The following SPATA16 variants were observed in gnomAD, a reference collection of about 807,000 sequenced individuals.
SPATA16 encodes the protein spermatogenesis associated 16, also known as spermatogenesis-associated protein 16.
A neutral mutation model predicts 63.3 loss-of-function variants in SPATA16; 36 were observed. The ratio of observed to expected loss-of-function variants is 0.57; its 90% CI spans 0.44 to 0.75. SPATA16 has a LOEUF of 0.75. Ranked by LOEUF, SPATA16 falls within the 30% of genes least tolerant of loss-of-function variation. The pLI is 0.00. For synonymous variants in SPATA16, 203 were observed against 216.7 expected (o/e 0.94, Z 0.56); for missense variants, 646 against 679.3 (o/e 0.95, Z 0.54).
intron 2 of SPATA16, among the ~76,000 whole-genome samples, chr3:173,089,486 T>A (rs1296677371): frequency 6.6e-6 from 1 of 152,020 alleles, no homozygotes; most frequent in Non-Finnish European, 1.5e-5. Flanking sequence ...TGTAATGGAG[T>A]GCATGATTGC....
chr3:173,054,145 A>T (rs539244894), intron 2 of SPATA16, among the ~76,000 whole-genome samples: 3 of 152,070 alleles, frequency 2.0e-5, no homozygotes, highest in Admixed American at 6.5e-5. Context: ...CTCTCAGCAA[A>T]TGACAGAAAT....
intron 3 of SPATA16, among the ~76,000 whole-genome samples, chr3:173,030,219 TAAAC>T (rs1275592956): frequency 4.0e-5 from 6 of 151,898 alleles, no homozygotes; most frequent in African/African-American, 7.3e-5. Context: ...TAAATAAAAA[TAAAC>T]AAATCGGACT....
At chr3:173,138,341 G>C (rs1222978238) in intron 1 of SPATA16, among the ~76,000 whole-genome samples, 2 of 152,134 alleles carry the variant, frequency 1.3e-5, no homozygotes, top group African/African-American at 4.8e-5. Flanking sequence ...TTTAAGCTAA[G>C]ATGTGGAGCT....
rs542409084 is a variant in SPATA16, at chr3:173,083,220, TAGAA to T, written c.612+33896_612+33899del. ...AATGAAAAATTATTTTAAATGATAA[TAGAA>T]AGAAGGGAAGATTTTAAAATTTGGC... On this transcript the variant is annotated intron_variant, in intron 2 of 10. Transcript: ENST00000351008. Among the ~76,000 whole-genome samples the T allele has an allele frequency of 1.5e-3, 229 of 152,010 alleles. 1 individual carries two copies. Among genetic ancestry groups the T allele is most frequent in the African/African-American group, 5.2e-3 (216 of 41,496 alleles).
At chr3:172,947,013 T>G (rs561689763) in intron 6 of SPATA16, among the ~76,000 whole-genome samples, 1 of 152,214 alleles carries the variant, frequency 6.6e-6, no homozygotes, top group East Asian at 1.9e-4. Context: ...ACTCCACTTG[T>G]TAGGGGAAAG....
At chr3:173,127,937 C>A (rs897833784) in intron 1 of SPATA16, among the ~76,000 whole-genome samples, 3 of 152,176 alleles carry the variant, frequency 2.0e-5, no homozygotes, top group Non-Finnish European at 4.4e-5. Context: ...ATGATGATTG[C>A]AAAATGGTGA....
chr3:172,900,065 T>C (rs1279408707), intron 10 of SPATA16, among the ~76,000 whole-genome samples: 1 of 152,186 alleles, frequency 6.6e-6, no homozygotes, highest in Non-Finnish European at 1.5e-5. Context: ...GGTCTTTCTT[T>C]TGATTCCTTT....
chr3:172,944,860 AG>A (rs1295826262), intron 6 of SPATA16, among the ~76,000 whole-genome samples: 2 of 152,208 alleles, frequency 1.3e-5, no homozygotes, highest in Non-Finnish European at 2.9e-5. Context: ...TTTAATGGGT[AG>A]AGTTTCAGTT....
chr3:173,014,288 G>A (rs1302354398), intron 4 of SPATA16, among the ~76,000 whole-genome samples: 2 of 152,194 alleles, frequency 1.3e-5, no homozygotes, highest in Non-Finnish European at 2.9e-5. Context: ...ACAGCAACAT[G>A]GATGCTGCTG....
rs532741435 is a variant in SPATA16, at chr3:172,966,692, A to T, written c.934-9868T>A. 2.8e-3 allele frequency among the ~76,000 whole-genome samples: 422 copies of T among 152,310 alleles called. 3 individuals are homozygous for T. The highest frequency in any genetic ancestry group is 9.4e-3 in the African/African-American group (392 of 41,572). On this transcript the variant is annotated intron_variant, in intron 5 of 10. Coordinates refer to ENST00000351008, the MANE Select transcript of SPATA16 (RefSeq NM_031955.6). ...AAAAATTAGCGAAGAAAATACAATC[A>T]TATGAATTCAAGAAAAGAGGAGAAT...
intron 6 of SPATA16, among the ~76,000 whole-genome samples, chr3:172,949,714 A>G (rs955764469): frequency 2.6e-5 from 4 of 152,090 alleles, no homozygotes; most frequent in African/African-American, 4.8e-5. Flanking sequence ...TTGTTTGGAA[A>G]TGGCCTTGGG....
intron 2 of SPATA16, among the ~76,000 whole-genome samples, chr3:173,069,777 A>G (rs1326275874): frequency 1.3e-5 from 2 of 152,242 alleles, no homozygotes; most frequent in Non-Finnish European, 2.9e-5. Context: ...CATTAAAAAG[A>G]TCATTCATTA....
intron 5 of SPATA16, among the ~76,000 whole-genome samples, chr3:172,973,418 G>A (rs1304616006): frequency 6.6e-6 from 1 of 152,180 alleles, no homozygotes; most frequent in African/African-American, 2.4e-5. Context: ...GTTTAGTGGG[G>A]TTCCTCTGCA....
At chr3:173,035,673 A>G (rs116005334) in intron 3 of SPATA16, among the ~76,000 whole-genome samples, 2,381 of 152,202 alleles carry the variant, frequency 0.016, 61 homozygotes, top group African/African-American at 0.053. Flanking sequence ...AAAAATCCAA[A>G]TGCTGGGAGA....
chr3:173,054,250 T>TA (rs1736165254), intron 2 of SPATA16, among the ~76,000 whole-genome samples: 1 of 151,888 alleles, frequency 6.6e-6, no homozygotes, highest in Non-Finnish European at 1.5e-5. Context: ...TATATATGAA[T>TA]AAAAAACACA....
chr3:173,093,068 C>CAT (rs1403373096), intron 2 of SPATA16, among the ~76,000 whole-genome samples: 7 of 150,032 alleles, frequency 4.7e-5, no homozygotes, highest in Admixed American at 6.6e-5. Flanking sequence ...CACACACACA[C>CAT]ACACACACAT....
chr3:172,931,363 C>A (rs1271250884), intron 6 of SPATA16, among the ~76,000 whole-genome samples: 1 of 152,170 alleles, frequency 6.6e-6, no homozygotes, highest in Non-Finnish European at 1.5e-5. Flanking sequence ...GCCTCAGACT[C>A]CAGAGAAGTT....
intron 8 of SPATA16, among the ~76,000 whole-genome samples, chr3:172,923,231 G>A (rs1732654885): frequency 6.6e-6 from 1 of 152,218 alleles, no homozygotes; most frequent in African/African-American, 2.4e-5. Flanking sequence ...AAATATAGAG[G>A]AGATAATTGA....
At chr3:173,018,310 C>T (rs1249466579) in intron 4 of SPATA16, among the ~76,000 whole-genome samples, 6 of 147,378 alleles carry the variant, frequency 4.1e-5, no homozygotes, top group East Asian at 4.0e-4. Context: ...GTTTCGCTCT[C>T]GTTGCCCAGG....
Sources: gnomAD v4.1 joint callset for allele counts (sites outside exome capture counted in the v4.1 genomes callset) on GRCh38, gnomAD v4.1.1 for gene constraint, MANE v1.5 for transcripts, NCBI Gene and HGNC (gene_info 2026-07-23, HGNC 2026-07-21) for gene names.